COX18: variants seen among roughly 807,000 people sequenced by gnomAD.
COX18 encodes the protein cytochrome c oxidase assembly protein COX18, mitochondrial.
A neutral mutation model predicts 38.0 loss-of-function variants in COX18; 45 were observed. The ratio of observed to expected loss-of-function variants is 1.18; its 90% confidence interval spans 0.93 to 1.52. The LOEUF (loss-of-function observed/expected upper bound fraction) is 1.52. Among genes scored for constraint, COX18 ranks in the 40% most tolerant of loss-of-function variants. COX18 has a pLI of 0.00. For missense variants in COX18, 462 were observed against 423.8 expected (o/e 1.09, Z -0.79); for synonymous variants, 177 against 169.8 (o/e 1.04, Z -0.33).
At chr4:73,067,954 ATG>A (rs10610509) in intron 2 of COX18, 73 bp downstream of exon 2, 76,368 of 590,996 alleles carry the variant, frequency 0.13, 3,645 homozygotes, top group African/African-American at 0.34. Flanking sequence ...CAATTTATGT[ATG>A]TGTGTGTGTG....
Position 73,053,440 on chromosome 4 carries a change from C to T in COX18, c.*4674G>A, listed in dbSNP as rs1719796194. On this transcript the variant is annotated 3_prime_UTR_variant, in exon 6 of 6. Transcript: ENST00000507544. ...CTGGGAAGACTGTAATCCCATAGTACTTAACCAATCAGAAACTGGGGGAAG... is the reference window on the plus strand; with the variant it reads ...CTGGGAAGACTGTAATCCCATAGTATTTAACCAATCAGAAACTGGGGGAAG... 6.6e-6 allele frequency: 1 copy of T among 152,094 alleles called. No individual in the cohort carries two copies. The highest frequency in any genetic ancestry group is 1.5e-5 in the Non-Finnish European group (1 of 68,058). The allele number at this position is 152,094 out of a possible 1,614,324, so 9.4% of individuals were successfully genotyped here. A position where few individuals can be genotyped will look rare whatever the true frequency, so the allele number is the denominator to read the frequency against.
chr4:73,066,589 G>C (rs149923605), intron 2 of COX18, among the ~76,000 whole-genome samples: 9 of 152,274 alleles, frequency 5.9e-5, no homozygotes, highest in Non-Finnish European at 1.0e-4. Context: ...TTTCCTCCTA[G>C]AAAGAAACAT....
At position 73,069,475 on chromosome 4, in the gene COX18, C is replaced by A; in HGVS notation, c.175G>T (p.Ala59Ser). 1 of 1,592,722 alleles carries A rather than the reference C, an allele frequency of 6.3e-7. No homozygotes were observed. Among genetic ancestry groups the A allele is most frequent in the Non-Finnish European group, 8.5e-7 (1 of 1,170,964 alleles). Residue 59 changes from alanine (A) to serine (S), a missense_variant, in exon 1 of 6, where the codon GCC becomes TCC. Physicochemically the swap from Ala to Ser is moderately conservative, Grantham distance 99. Coordinates refer to ENST00000507544, the MANE Select transcript of COX18 (RefSeq NM_001297732.2). Reference sequence around the variant, plus strand: ...GCAACCCGCACCGGCGAAGACGCGGCCAGGGCCTCGTACCAGCCGTTCGCA... The same window carrying A: ...GCAACCCGCACCGGCGAAGACGCGGACAGGGCCTCGTACCAGCCGTTCGCA... ...VHANGWYEAL[A>S]ASSPVRVAEE...
Position 73,069,490 on chromosome 4 carries a change from A to C in COX18, c.160T>G (p.Trp54Gly). 1 of 1,593,834 alleles carries C rather than the reference A, an allele frequency of 6.3e-7. No homozygotes were observed. Among genetic ancestry groups the C allele is most frequent in the Admixed American group, 1.8e-5 (1 of 56,858 alleles). Residue 54 changes from tryptophan to glycine, a missense_variant, in exon 1 of 6, where the codon TGG (tryptophan) becomes GGG (glycine). Trp to Gly is a radical substitution (Grantham distance 184). Coordinates refer to ENST00000507544, the MANE Select transcript of COX18 (RefSeq NM_001297732.2). ...GAAGACGCGGCCAGGGCCTCGTACC[A>C]GCCGTTCGCATGTACTGCAGAGACT... ...APVSAVHANG[W>G]YEALAASSPV...
Position 73,061,823 on chromosome 4 carries a change from G to C in COX18, c.821C>G (p.Thr274Arg). 1 of 1,603,924 alleles carries C rather than the reference G, an allele frequency of 6.2e-7. No homozygotes were observed. The highest frequency in any genetic ancestry group is 8.5e-7 in the Non-Finnish European group (1 of 1,171,306). The change falls in exon 5 of 6, where the codon ACG becomes AGG. Residue 274 changes from threonine (T) to arginine (R), a missense_variant. Transcript: ENST00000507544. ...TTGGTGCTTACTCACTGAGGGTACC[G>C]TTGCAGCAATTGGTATCATCAACAC... ...MSVLMIPIAA[T>R]VPSSIVLYWL... is the part of the protein sequence containing the mutation.
At chr4:73,060,780 T>C (rs1265665346) in intron 5 of COX18, among the ~76,000 whole-genome samples, 1 of 150,696 alleles carries the variant, frequency 6.6e-6, no homozygotes, top group African/African-American at 2.5e-5. Flanking sequence ...CTAGGGAGGC[T>C]GAGGGAGGAG....
intron 4 of COX18, among the ~76,000 whole-genome samples, chr4:73,062,413 G>A (rs1043621860): frequency 4.0e-5 from 6 of 151,556 alleles, no homozygotes; most frequent in African/African-American, 1.5e-4. Flanking sequence ...CTTAAACGGA[G>A]GTTTTTTGAC....
rs1482131990 is a variant in COX18, at chr4:73,052,587, T to C, written c.*5527A>G. On this transcript the variant is annotated 3_prime_UTR_variant, in exon 6 of 6. Coordinates refer to ENST00000507544, the MANE Select transcript of COX18 (RefSeq NM_001297732.2). Reference sequence around the variant, plus strand: ...ACAGATAACTAGAAAATATCCATTATTACAAGTTTAAACAACACTAATAAG... The same window carrying C: ...ACAGATAACTAGAAAATATCCATTACTACAAGTTTAAACAACACTAATAAG... 1 of 152,152 alleles carries C rather than the reference T, an allele frequency of 6.6e-6. No individual in the cohort carries two copies. The highest frequency in any genetic ancestry group is 6.5e-5 in the Admixed American group (1 of 15,280). 9.4% of individuals were successfully genotyped at this position (152,152 alleles called of 1,614,324 possible). A position where few individuals can be genotyped will look rare whatever the true frequency, so the allele number is the denominator to read the frequency against.
At position 73,069,497 on chromosome 4, in the gene COX18, C is replaced by T; in HGVS notation, c.153G>A (p.Ala51=). 6.3e-7 allele frequency: 1 copy of T among 1,593,174 alleles called. No homozygotes were observed. Among genetic ancestry groups the T allele is most frequent in the South Asian group, 1.1e-5 (1 of 88,032 alleles). The change falls in exon 1 of 6, where the codon GCG becomes GCA. Residue 51 remains alanine, a synonymous_variant. Transcript: ENST00000507544. ...CGGCCAGGGCCTCGTACCAGCCGTT[C>T]GCATGTACTGCAGAGACTGGTGCCA... ...WAVAPVSAVH[A]NGWYEALAAS... is the part of the protein sequence containing the mutation.
rs375810241 is a variant in COX18, at chr4:73,064,707, G to A, written c.723+71C>T. ...ATCTTCACCAACTCAAACAAAAACA[G>A]ATTTGAAGTCAAAACAGCAGCAACA... On this transcript the variant is annotated intron_variant, in intron 4 of 5. Transcript: ENST00000507544. 1.2e-4 allele frequency: 190 copies of A among 1,553,594 alleles called. 1 individual carries two copies. The South Asian group carries it at 1.9e-3, about 15-fold the overall frequency.
rs1720669632 is a variant in COX18 at position 73,069,609 on chromosome 4, G to T, written c.41C>A (p.Pro14His). 3 of 1,554,152 alleles carry T rather than the reference G, an allele frequency of 1.9e-6. No homozygotes were observed. The highest frequency in any genetic ancestry group is 2.6e-6 in the Non-Finnish European group (3 of 1,153,220). The change falls in exon 1 of 6, where the codon CCT (proline) becomes CAT (histidine). Residue 14 changes from proline (P) to histidine (H), a missense_variant. Coordinates refer to ENST00000507544, the MANE Select transcript of COX18 (RefSeq NM_001297732.2). ...GTCCCTAGCCCAAAGCTGCAGGGCAGGGAGCGGCCGCAGCCACCGACCGCC... is the reference window on the plus strand; with the variant it reads ...GTCCCTAGCCCAAAGCTGCAGGGCATGGAGCGGCCGCAGCCACCGACCGCC... ...RLGGRWLRPL[P>H]ALQLWARDLP...
At chr4:73,067,885 A>AT (rs1491326498) in intron 2 of COX18, 144 bp downstream of exon 2, 5,122 of 78,944 alleles carry the variant, frequency 0.065, 495 homozygotes, top group East Asian at 0.099. Flanking sequence ...ATATATATAT[A>AT]AAAAAAGAAA....
intron 2 of COX18, 81 bp from the exon 3 acceptor site, chr4:73,065,494 C>A: frequency 8.1e-7 from 1 of 1,227,696 alleles, no homozygotes; most frequent in Non-Finnish European, 1.2e-6. Context: ...GCACAAATAG[C>A]GCCTGCTGTA....
At chr4:73,062,190 G>A (rs955963954) in intron 4 of COX18, among the ~76,000 whole-genome samples, 2 of 151,926 alleles carry the variant, frequency 1.3e-5, no homozygotes, top group African/African-American at 2.4e-5. Flanking sequence ...CCAAGTAGCT[G>A]GGATAATAGG....
At chr4:73,069,217 G>A in intron 1 of COX18, 100 bp downstream of exon 1, 1 of 868,470 alleles carries the variant, frequency 1.2e-6, no homozygotes, top group South Asian at 1.8e-5. Flanking sequence ...AAGCACTGCA[G>A]AAGGCAACAT....
rs1396695306 is a variant in COX18, at chr4:73,056,183, T to C, written c.*1931A>G. On this transcript the variant is annotated 3_prime_UTR_variant, in exon 6 of 6. Coordinates refer to ENST00000507544, the MANE Select transcript of COX18 (RefSeq NM_001297732.2). The stretch of plus-strand genomic sequence containing the variant: ...TTAACTAAATGAAAATTATGATTTA[T>C]AGCCTTCTCAAATACCTGCCATACT... 6.6e-6 allele frequency: 1 copy of C among 152,234 alleles called. No homozygotes were observed. Among genetic ancestry groups the C allele is most frequent in the Non-Finnish European group, 1.5e-5 (1 of 68,034 alleles). 9.4% of individuals were successfully genotyped at this position (152,234 alleles called of 1,614,324 possible).
chr4:73,055,333 C>T lies in COX18; in HGVS notation c.*2781G>A, dbSNP rs1349974205. Reference sequence around the variant, plus strand: ...ACTTATGTTCCATAAAGTCCACAAACACTGAAGTAGTGAATACCAAATCAC... The same window carrying T: ...ACTTATGTTCCATAAAGTCCACAAATACTGAAGTAGTGAATACCAAATCAC... On this transcript the variant is annotated 3_prime_UTR_variant, in exon 6 of 6. Coordinates refer to ENST00000507544, the MANE Select transcript of COX18 (RefSeq NM_001297732.2). 6.6e-6 allele frequency: 1 copy of T among 152,192 alleles called. No individual in the cohort carries two copies. The highest frequency in any genetic ancestry group is 1.5e-5 in the Non-Finnish European group (1 of 68,038). The allele number at this position is 152,192 out of a possible 1,614,324, so 9.4% of individuals were successfully genotyped here.
intron 2 of COX18, among the ~76,000 whole-genome samples, chr4:73,065,985 G>T (rs1472334713): frequency 1.3e-5 from 2 of 152,070 alleles, no homozygotes; most frequent in Non-Finnish European, 2.9e-5. Context: ...TCTTCCTTCA[G>T]GTCCAAGAGA....
At chr4:73,060,697 T>G (rs1720110630) in intron 5 of COX18, among the ~76,000 whole-genome samples, 1 of 151,896 alleles carries the variant, frequency 6.6e-6, no homozygotes, top group African/African-American at 2.4e-5. Context: ...CTGGCCAACA[T>G]GACGAAACCC....
Sources: allele counts gnomAD v4.1 joint callset (sites outside exome capture counted in the v4.1 genomes callset), GRCh38; gene constraint gnomAD v4.1.1; transcripts MANE v1.5; gene names NCBI Gene and HGNC (gene_info 2026-07-23, HGNC 2026-07-21).